RECQL5: variants seen among roughly 807,000 people sequenced by gnomAD.
The protein encoded by RECQL5 is ATP-dependent DNA helicase Q5.
RECQL5 carries 88 observed loss-of-function variants against 103.4 expected under a neutral mutation model. That is an observed-to-expected ratio of 0.85 (90% CI 0.72 to 1.02). RECQL5 has a LOEUF of 1.02. RECQL5 is among the 50% of genes least tolerant of loss of function. The pLI is 0.00. For missense variants in RECQL5, 1,232 were observed against 1,284.3 expected (o/e 0.96, Z 0.62); for synonymous variants, 552 against 507.9 (o/e 1.09, Z -1.17).
intron 8 of RECQL5, chr17:75,650,839 A>T: frequency 6.7e-7 from 1 of 1,486,210 alleles, no homozygotes; most frequent in East Asian, 2.5e-5. Context: ...TGATGCCAGA[A>T]GTCCCAGCTC....
At chr17:75,657,972 C>A (rs936723859) in intron 7 of RECQL5, among the ~76,000 whole-genome samples, 1 of 151,854 alleles carries the variant, frequency 6.6e-6, no homozygotes, top group African/African-American at 2.4e-5. Context: ...CGCTTGAACC[C>A]GGGAGGCGGA....
intron 8 of RECQL5, chr17:75,635,670 G>A: frequency 2.1e-6 from 1 of 485,704 alleles, no homozygotes; most frequent in Non-Finnish European, 2.7e-6. Flanking sequence ...TCTCCCACAA[G>A]TGTCAGTTAT....
intron 18 of RECQL5, 33 bp downstream of exon 18, chr17:75,628,185 T>C (rs776200587): frequency 2.0e-6 from 3 of 1,515,644 alleles, no homozygotes; most frequent in Non-Finnish European, 1.8e-6. Flanking sequence ...ACCCCAGGCA[T>C]GGGAGAAGGC....
chr17:75,662,598 T>C lies in RECQL5; in HGVS notation c.652A>G (p.Thr218Ala). The change falls in exon 4 of 20, where the codon ACT becomes GCT. Residue 218 changes from threonine to alanine, a missense_variant. Coordinates refer to ENST00000317905, the MANE Select transcript of RECQL5 (RefSeq NM_004259.7). The stretch of plus-strand genomic sequence containing the variant: ...AAGAGGTTGGCCCGGAAGCAGGGAG[T>C]CTTGAAGATGGCAACTGGTTTCTTC... ...HLKKPVAIFK[T>A]PCFRANLFYD... 1 of 1,613,704 alleles carries C rather than the reference T, an allele frequency of 6.2e-7. No homozygotes were observed. Among genetic ancestry groups the C allele is most frequent in the Non-Finnish European group, 8.5e-7 (1 of 1,179,990 alleles).
intron 6 of RECQL5, 66 bp downstream of exon 6, chr17:75,660,889 C>T (rs1868839977): frequency 8.4e-7 from 1 of 1,193,366 alleles, no homozygotes. Context: ...CCTTTGGGCA[C>T]AGCACTAGGC....
rs1185517390 is a variant in RECQL5, at chr17:75,640,284, A to T, written c.1230-8616T>A. ...AAGCTGCAGAGACTGCCCCAGGCTG[A>T]GCCCGTGGAGATCGTGGCCTTCTCA... On this transcript the variant is annotated intron_variant, in intron 8 of 19. Transcript: ENST00000317905. The surrounding 1 kb of genome is among the most constrained non-coding windows in gnomAD (Gnocchi z 4.6). 12 of 1,551,372 alleles carry T rather than the reference A, an allele frequency of 7.7e-6. No individual in the cohort carries two copies. The highest frequency in any genetic ancestry group is 3.3e-4 in the Middle Eastern group (2 of 5,992).
rs182242618 is a variant in RECQL5 at position 75,640,348 on chromosome 17, A to G, written c.1230-8680T>C. Reference sequence around the variant, plus strand: ...TCACAGGTTAGTTGGGGCACTCAGCACCCCATGGCTCTCCCTGGCATCTGG... The same window carrying G: ...TCACAGGTTAGTTGGGGCACTCAGCGCCCCATGGCTCTCCCTGGCATCTGG... On this transcript the variant is annotated intron_variant, in intron 8 of 19. Transcript: ENST00000317905. This position sits in a 1 kb window ranked among gnomAD's most constrained non-coding sequence, Gnocchi z 4.6. 391 of 1,525,600 alleles carry G rather than the reference A, an allele frequency of 2.6e-4. No homozygotes were observed. The African/African-American group carries it at 4.9e-3, about 19-fold the overall frequency. The allele number at this position is 1,525,600 out of a possible 1,614,324, so 94.5% of individuals were successfully genotyped here.
rs1287987962 is a variant in RECQL5 at position 75,640,430 on chromosome 17, G to T, written c.1230-8762C>A. 7.0e-7 allele frequency: 1 copy of T among 1,430,858 alleles called. No homozygotes were observed. Among genetic ancestry groups the T allele is most frequent in the Admixed American group, 2.9e-5 (1 of 34,454 alleles). 88.6% of individuals were successfully genotyped at this position (1,430,858 alleles called of 1,614,324 possible). ...CTGGCAGAGGTGGCGGGTGTCTGCCGGATCAAGGAGGAAAACCAGTTGTCC... is the reference window on the plus strand; with the variant it reads ...CTGGCAGAGGTGGCGGGTGTCTGCCTGATCAAGGAGGAAAACCAGTTGTCC... On this transcript the variant is annotated intron_variant, in intron 8 of 19. Transcript: ENST00000317905. The surrounding 1 kb of genome is among the most constrained non-coding windows in gnomAD (Gnocchi z 4.6).
At position 75,662,928 on chromosome 17, in the gene RECQL5, C is replaced by A. The variant is rs1281910528; in HGVS notation, c.322G>T (p.Glu108Ter). 1 of 1,614,000 alleles carries A rather than the reference C, an allele frequency of 6.2e-7. No homozygotes were observed. ...AGGTCAGCAAGCAGCTCCTTCCTTTCCTGTGCAGAGAGCTTCGAGTTCAGG... is the reference window on the plus strand; with the variant it reads ...AGGTCAGCAAGCAGCTCCTTCCTTTACTGTGCAGAGAGCTTCGAGTTCAGG... Reference protein sequence around the residue: ...SSLNSKLSAQERKELLADLER... With the variant: ...SSLNSKLSAQ The change falls in exon 4 of 20, where the codon GAA becomes TAA. Residue 108 changes from glutamate (E) to a stop codon, truncating the protein, a stop_gained. Coordinates refer to ENST00000317905, the MANE Select transcript of RECQL5 (RefSeq NM_004259.7). LOFTEE classifies it high-confidence loss of function.
intron 8 of RECQL5, chr17:75,650,008 A>G (rs1463189113): frequency 1.5e-5 from 15 of 985,628 alleles, no homozygotes; most frequent in Non-Finnish European, 1.7e-5. Context: ...CCCTCCAGAG[A>G]GCATTCCAGA....
chr17:75,628,123 A>T, intron 18 of RECQL5, 95 bp downstream of exon 18: 2 of 1,117,124 alleles, frequency 1.8e-6, no homozygotes, highest in South Asian at 1.3e-5. Flanking sequence ...CCCTAGGCCC[A>T]CTGTGTTCTG....
chr17:75,657,688 G>A (rs2059642136), intron 7 of RECQL5, among the ~76,000 whole-genome samples: 1 of 149,510 alleles, frequency 6.7e-6, no homozygotes, highest in Non-Finnish European at 1.5e-5. Context: ...AGAGGCTGCT[G>A]TGAACCATGA....
Position 75,627,086 on chromosome 17 carries a change from A to G in RECQL5, c.*336T>C, listed in dbSNP as rs759639551. On this transcript the variant is annotated 3_prime_UTR_variant, in exon 20 of 20. Transcript: ENST00000317905. ...CCGATACCTTGGACAGGTGGGCCTC[A>G]TCCTGACTTAGAACTCGGGGAGGGG... 3.1e-5 allele frequency: 15 copies of G among 481,748 alleles called. No individual in the cohort carries two copies. The highest frequency in any genetic ancestry group is 2.4e-4 in the South Asian group (15 of 63,818). 29.8% of individuals were successfully genotyped at this position (481,748 alleles called of 1,614,324 possible).
At chr17:75,664,881 TC>T (rs2059746647) in intron 3 of RECQL5, among the ~76,000 whole-genome samples, 169 bp downstream of exon 3, 1 of 138,274 alleles carries the variant, frequency 7.2e-6, no homozygotes. Context: ...CCACCGCACT[TC>T]AGCCTAGGCG....
chr17:75,631,137 T>C lies in RECQL5; in HGVS notation c.1548+13A>G. ...CAGGGGCCCCACACAGGCCACTGAG[T>C]GCCTCCCCTCACCTTGCGCAGCTGC... On this transcript the variant is annotated intron_variant, in intron 10 of 19. Transcript: ENST00000317905. 1 of 1,613,152 alleles carries C rather than the reference T, an allele frequency of 6.2e-7. No individual in the cohort carries two copies. The highest frequency in any genetic ancestry group is 8.5e-7 in the Non-Finnish European group (1 of 1,179,512).
intron 7 of RECQL5, among the ~76,000 whole-genome samples, chr17:75,657,245 T>C (rs1013593535): frequency 6.6e-6 from 1 of 152,024 alleles, no homozygotes; most frequent in Non-Finnish European, 1.5e-5. Context: ...TTAAGCCAGG[T>C]GCAGTGGCAC....
chr17:75,649,977 C>G, intron 8 of RECQL5: 1 of 985,548 alleles, frequency 1.0e-6, no homozygotes, highest in Non-Finnish European at 1.2e-6. Context: ...CGGAGCAGAC[C>G]CTGGGGACAG....
intron 8 of RECQL5, chr17:75,647,840 C>A: frequency 2.7e-6 from 1 of 364,544 alleles, no homozygotes; most frequent in Non-Finnish European, 5.2e-6. Context: ...GAGAGGATGG[C>A]TCCACTGCCT....
At position 75,640,818 on chromosome 17, in the gene RECQL5, C is replaced by T; in HGVS notation, c.1230-9150G>A. The stretch of plus-strand genomic sequence containing the variant: ...ACTGTTCTGCTGTTGCTGCTGATAG[C>T]CTGCAGCTGCTGCTGCACTCACTGC... On this transcript the variant is annotated intron_variant, in intron 8 of 19. Coordinates refer to ENST00000317905, the MANE Select transcript of RECQL5 (RefSeq NM_004259.7). The surrounding 1 kb of genome is among the most constrained non-coding windows in gnomAD (Gnocchi z 4.6). The T allele has an allele frequency of 6.5e-7, 1 of 1,550,082 alleles. No homozygotes were observed. Among genetic ancestry groups the T allele is most frequent in the Non-Finnish European group, 8.7e-7 (1 of 1,146,818 alleles).
Sources: gnomAD v4.1 joint callset for allele counts (sites outside exome capture counted in the v4.1 genomes callset) on GRCh38, gnomAD v4.1.1 for gene constraint, Gnocchi (gnomAD v3.1) non-coding constraint, MANE v1.5 for transcripts, NCBI Gene and HGNC (gene_info 2026-07-23, HGNC 2026-07-21) for gene names.